Variants in IMMP2L observed in about 807,000 individuals in gnomAD.
IMMP2L encodes inner mitochondrial membrane peptidase subunit 2, also known as mitochondrial inner membrane protease subunit 2.
A neutral mutation model predicts 19.3 loss-of-function variants in IMMP2L; 18 were observed. That is an observed-to-expected ratio of 0.93 (90% CI 0.64 to 1.38). The LOEUF (loss-of-function observed/expected upper bound fraction) is 1.38. IMMP2L is among the 40% of genes most tolerant of loss of function. IMMP2L has a pLI of 0.00. For synonymous variants in IMMP2L, 76 were observed against 73.0 expected, an observed-to-expected ratio of 1.04 and a Z score of -0.21; for missense variants, 233 against 218.2, an observed-to-expected ratio of 1.07 and a Z score of -0.43.
At chr7:110,687,660 A>G (rs1048315096) in intron 5 of IMMP2L, among the ~76,000 whole-genome samples, 3 of 148,594 alleles carry the variant, frequency 2.0e-5, no homozygotes, top group African/African-American at 7.3e-5. Context: ...TTTTAAAAGA[A>G]TAAATTAAAA....
chr7:111,429,768 G>A, intron 3 of IMMP2L, among the ~76,000 whole-genome samples: 1 of 151,794 alleles, frequency 6.6e-6, no homozygotes, highest in East Asian at 1.9e-4. Context: ...TCTTCCTAGA[G>A]ATCCCTTTGG....
intron 5 of IMMP2L, among the ~76,000 whole-genome samples, chr7:110,773,888 A>G (rs1353483556): frequency 1.4e-5 from 2 of 146,694 alleles, no homozygotes; most frequent in African/African-American, 2.6e-5. Context: ...CTGGAGCTCC[A>G]AATCATGACA....
chr7:111,124,808 C>G, intron 3 of IMMP2L: 1 of 1,612,674 alleles, frequency 6.2e-7, no homozygotes, highest in Non-Finnish European at 8.5e-7. Flanking sequence ...CTTTATCCTC[C>G]TCTGATAAAT....
chr7:111,095,118 C>T lies in IMMP2L; in HGVS notation c.240-131553G>A, dbSNP rs112005790. Among the ~76,000 whole-genome samples, 260 of 152,100 alleles carry T rather than the reference C, an allele frequency of 1.7e-3. 2 individuals are homozygous for T. The highest frequency in any genetic ancestry group is 6.0e-3 in the African/African-American group (248 of 41,528). On this transcript the variant is annotated intron_variant, in intron 3 of 5. Transcript: ENST00000405709. ...TTCTATGGTGCCATTAATAAAAACA[C>T]ATGACACAGCTTCAGGAGACGGGGA...
At position 111,412,860 on chromosome 7, in the gene IMMP2L, G is replaced by T. The variant is rs145202135; in HGVS notation, c.239+74378C>A. 1.3e-4 allele frequency among the ~76,000 whole-genome samples: 19 copies of T among 151,092 alleles called. No homozygotes were observed. The East Asian group carries it at 3.5e-3, about 28-fold the overall frequency. ...TTTAAATAAACTTCTACGTTAACAA[G>T]GTAGAAAAAGAAAAGCAAATTAAAA... On this transcript the variant is annotated intron_variant, in intron 3 of 5. Transcript: ENST00000405709.
chr7:111,533,993 G>T (rs1847640971), intron 1 of IMMP2L, among the ~76,000 whole-genome samples: 1 of 151,848 alleles, frequency 6.6e-6, no homozygotes, highest in Non-Finnish European at 1.5e-5. Flanking sequence ...TGAGAGAAAG[G>T]TATTTCACTG....
intron 5 of IMMP2L, among the ~76,000 whole-genome samples, chr7:110,876,847 G>A (rs1399458171): frequency 6.6e-6 from 1 of 151,910 alleles, no homozygotes; most frequent in Non-Finnish European, 1.5e-5. Flanking sequence ...TTACTCTCCT[G>A]TTCCAAAATG....
intron 3 of IMMP2L, among the ~76,000 whole-genome samples, chr7:111,100,471 G>A (rs1432101538): frequency 6.8e-6 from 1 of 148,132 alleles, no homozygotes; most frequent in Non-Finnish European, 1.5e-5. Flanking sequence ...AACATATACA[G>A]ATTTAAAATA....
chr7:111,014,392 C>T (rs1479323054), intron 3 of IMMP2L, among the ~76,000 whole-genome samples: 2 of 151,880 alleles, frequency 1.3e-5, no homozygotes, highest in African/African-American at 2.4e-5. Context: ...TATATATACA[C>T]ACACACATAC....
intron 4 of IMMP2L, among the ~76,000 whole-genome samples, chr7:110,957,888 A>T (rs1818524860): frequency 6.6e-6 from 1 of 151,778 alleles, no homozygotes; most frequent in Non-Finnish European, 1.5e-5. Flanking sequence ...GTTTTTCTTC[A>T]TAGCACTTCT....
At chr7:111,500,289 G>C (rs1159555739) in intron 2 of IMMP2L, among the ~76,000 whole-genome samples, 1 of 152,148 alleles carries the variant, frequency 6.6e-6, no homozygotes, top group Non-Finnish European at 1.5e-5. Context: ...GGCTCGATTA[G>C]GTAAACAAAG....
intron 3 of IMMP2L, among the ~76,000 whole-genome samples, chr7:111,329,861 C>T (rs1825704506): frequency 6.6e-6 from 1 of 151,676 alleles, no homozygotes; most frequent in East Asian, 1.9e-4. Flanking sequence ...AAATGTTAAG[C>T]CATCCCAACA....
intron 3 of IMMP2L, among the ~76,000 whole-genome samples, chr7:111,164,719 C>T (rs1805637657): frequency 6.6e-6 from 1 of 151,918 alleles, no homozygotes; most frequent in South Asian, 2.1e-4. Context: ...AGGAATCAGG[C>T]CAGGCTCACA....
intron 5 of IMMP2L, among the ~76,000 whole-genome samples, chr7:110,742,701 A>C (rs1236208591): frequency 6.7e-6 from 1 of 150,016 alleles, no homozygotes; most frequent in Non-Finnish European, 1.5e-5. Context: ...TGGGAGGCAG[A>C]GGTTGCAGTG....
Position 111,090,040 on chromosome 7 carries a change from C to A in IMMP2L, c.240-126475G>T, listed in dbSNP as rs376917058. 2.0e-4 allele frequency among the ~76,000 whole-genome samples: 30 copies of A among 152,020 alleles called. No homozygotes were observed. In the East Asian group the frequency reaches 4.4e-3, roughly 23 times the overall value. ...AGTCTCTCAAAACTGGGGTTGGAGT[C>A]ATGACTAGCCTGCTTTTGACCTGTT... is the stretch of plus-strand genomic sequence containing the variant. On this transcript the variant is annotated intron_variant, in intron 3 of 5. Coordinates refer to ENST00000405709, the MANE Select transcript of IMMP2L (RefSeq NM_032549.4).
At chr7:110,684,864 GA>G (rs1406093698) in intron 5 of IMMP2L, among the ~76,000 whole-genome samples, 1 of 152,034 alleles carries the variant, frequency 6.6e-6, no homozygotes, top group Admixed American at 6.6e-5. Flanking sequence ...GCCTATGGAT[GA>G]AGTCTTTTCA....
At chr7:110,948,596 T>C (rs1817489661) in intron 4 of IMMP2L, among the ~76,000 whole-genome samples, 1 of 151,256 alleles carries the variant, frequency 6.6e-6, no homozygotes. Flanking sequence ...AAGAAACTGT[T>C]TGGGCAATGA....
At chr7:110,686,346 CTTTA>C (rs1793111122) in intron 5 of IMMP2L, among the ~76,000 whole-genome samples, 1 of 150,548 alleles carries the variant, frequency 6.6e-6, no homozygotes. Context: ...TTTTTGCTCT[CTTTA>C]TATTCTTTCT....
chr7:111,094,764 A>G (rs183055334), intron 3 of IMMP2L, among the ~76,000 whole-genome samples: 1 of 152,270 alleles, frequency 6.6e-6, no homozygotes, highest in East Asian at 1.9e-4. Context: ...AAAACATGAT[A>G]ACAATTATTT....
Sources: gnomAD v4.1 joint callset for allele counts (sites outside exome capture counted in the v4.1 genomes callset) on GRCh38, gnomAD v4.1.1 for gene constraint, MANE v1.5 for transcripts, NCBI Gene and HGNC (gene_info 2026-07-23, HGNC 2026-07-21) for gene names.